The following CRPPA variants were observed in gnomAD, a reference collection of about 807,000 sequenced individuals.
The protein encoded by CRPPA is CDP-L-ribitol pyrophosphorylase A.
Under a neutral mutation model 52.0 loss-of-function variants are expected in CRPPA, and 43 were observed. The observed-to-expected ratio is 0.83, with a 90% confidence interval of 0.65 to 1.07. CRPPA has a LOEUF of 1.07. Ranked by LOEUF, CRPPA falls within the 50% of genes least tolerant of loss-of-function variation. The probability of loss-of-function intolerance (pLI) is 0.00; values close to 1 mark genes in which losing one functional copy is unlikely to be tolerated. For missense variants in CRPPA, 629 were observed against 551.7 expected (o/e 1.14, Z -1.40); for synonymous variants, 250 against 203.5 (o/e 1.23, Z -1.94).
chr7:16,245,493 C>T (rs1277440874), intron 8 of CRPPA, among the ~76,000 whole-genome samples: 1 of 152,178 alleles, frequency 6.6e-6, no homozygotes, highest in Non-Finnish European at 1.5e-5. Flanking sequence ...TTCAAACACC[C>T]AGACACTATT....
At chr7:16,206,182 G>T (rs986557574) in intron 9 of CRPPA, among the ~76,000 whole-genome samples, 1 of 152,102 alleles carries the variant, frequency 6.6e-6, no homozygotes, top group East Asian at 1.9e-4. Context: ...CATATCCCCA[G>T]TGGAGGGTCA....
At chr7:16,218,937 C>T (rs1298858586) in intron 8 of CRPPA, among the ~76,000 whole-genome samples, 5 of 152,058 alleles carry the variant, frequency 3.3e-5, no homozygotes, top group African/African-American at 7.3e-5. Context: ...CTGCACCAAG[C>T]AGACCTAATA....
intron 9 of CRPPA, among the ~76,000 whole-genome samples, chr7:16,092,206 G>C (rs562036118): frequency 1.3e-5 from 2 of 152,208 alleles, no homozygotes; most frequent in South Asian, 4.1e-4. Context: ...CCGGTATAGG[G>C]GGGAAAACCC....
chr7:16,232,832 C>T (rs994744767), intron 8 of CRPPA, among the ~76,000 whole-genome samples: 2 of 152,088 alleles, frequency 1.3e-5, no homozygotes, highest in African/African-American at 4.8e-5. Context: ...AAATACCAAA[C>T]CTTTTAAAAA....
chr7:16,125,370 A>C (rs1326881788), intron 9 of CRPPA, among the ~76,000 whole-genome samples: 1 of 152,084 alleles, frequency 6.6e-6, no homozygotes, highest in Non-Finnish European at 1.5e-5. Flanking sequence ...CCCCAGTCAT[A>C]AACAGTACCA....
chr7:16,226,484 A>G (rs993313419), intron 8 of CRPPA, among the ~76,000 whole-genome samples: 3 of 151,854 alleles, frequency 2.0e-5, no homozygotes, highest in African/African-American at 4.8e-5. Flanking sequence ...AGCAGACCCA[A>G]TTCAATGGTC....
chr7:16,356,947 T>C (rs1458988214), intron 3 of CRPPA, among the ~76,000 whole-genome samples: 1 of 152,176 alleles, frequency 6.6e-6, no homozygotes, highest in African/African-American at 2.4e-5. Context: ...AATGTGGTTC[T>C]CTGGGATATC....
intron 5 of CRPPA, among the ~76,000 whole-genome samples, chr7:16,283,454 T>C (rs922055030): frequency 2.0e-5 from 3 of 150,102 alleles, no homozygotes; most frequent in African/African-American, 7.3e-5. Context: ...TATGACACTA[T>C]AAAGATGATA....
Position 16,421,347 on chromosome 7 carries a change from C to T in CRPPA, c.-25G>A. 1.6e-6 allele frequency: 2 copies of T among 1,235,996 alleles called. No individual in the cohort carries two copies. The highest frequency in any genetic ancestry group is 2.0e-6 in the Non-Finnish European group (2 of 988,336). The allele number at this position is 1,235,996 out of a possible 1,614,324, so 76.6% of individuals were successfully genotyped here. On this transcript the variant is annotated 5_prime_UTR_variant, in exon 1 of 10. Coordinates refer to ENST00000407010, the MANE Select transcript of CRPPA (RefSeq NM_001101426.4). Reference sequence around the variant, plus strand: ...TGGCTGCGGGCGGAACGGCGAGCCCCGCTAGCCTCGGGCCGATGCGACCCC... The same window carrying T: ...TGGCTGCGGGCGGAACGGCGAGCCCTGCTAGCCTCGGGCCGATGCGACCCC...
At chr7:16,376,728 G>A (rs899859985) in intron 2 of CRPPA, among the ~76,000 whole-genome samples, 2 of 152,148 alleles carry the variant, frequency 1.3e-5, no homozygotes, top group African/African-American at 4.8e-5. Context: ...TTTGTGTCTT[G>A]CTCTAATTCA....
intron 3 of CRPPA, among the ~76,000 whole-genome samples, chr7:16,362,188 G>C (rs1469729762): frequency 1.3e-5 from 2 of 152,222 alleles, no homozygotes; most frequent in Non-Finnish European, 2.9e-5. Flanking sequence ...GCATGTCTCA[G>C]TCTACTCAGA....
At chr7:16,381,999 T>A (rs961161899) in intron 2 of CRPPA, among the ~76,000 whole-genome samples, 6 of 151,936 alleles carry the variant, frequency 3.9e-5, no homozygotes, top group African/African-American at 1.5e-4. Flanking sequence ...ACATTTAAAG[T>A]TAATATTGTT....
At chr7:16,199,622 T>G (rs1297255565) in intron 9 of CRPPA, among the ~76,000 whole-genome samples, 2 of 151,736 alleles carry the variant, frequency 1.3e-5, no homozygotes, top group Non-Finnish European at 2.9e-5. Context: ...CTATGTAGAA[T>G]CTGCATGTTT....
chr7:16,201,354 G>A (rs1389500843), intron 9 of CRPPA, among the ~76,000 whole-genome samples: 8 of 152,124 alleles, frequency 5.3e-5, no homozygotes. Context: ...AAACCAGAGT[G>A]AGAACCTCCA....
intron 2 of CRPPA, among the ~76,000 whole-genome samples, chr7:16,383,963 C>G (rs965055276): frequency 2.0e-5 from 3 of 152,230 alleles, no homozygotes; most frequent in Non-Finnish European, 2.9e-5. Context: ...GAGGCAATGC[C>G]TCGCCCTGCT....
intron 3 of CRPPA, among the ~76,000 whole-genome samples, chr7:16,318,437 G>C (rs1785192890): frequency 6.6e-6 from 1 of 152,062 alleles, no homozygotes; most frequent in Non-Finnish European, 1.5e-5. Context: ...TGTCCTCCCT[G>C]TAGGCAATCA....
At chr7:16,245,226 ATGTATG>A (rs1783237209) in intron 8 of CRPPA, among the ~76,000 whole-genome samples, 1 of 152,244 alleles carries the variant, frequency 6.6e-6, no homozygotes, top group African/African-American at 2.4e-5. Context: ...CACTCTATGT[ATGTATG>A]TGTATCAGTA....
intron 1 of CRPPA, among the ~76,000 whole-genome samples, chr7:16,416,161 G>T (rs1359916361): frequency 1.3e-5 from 2 of 152,046 alleles, no homozygotes; most frequent in Non-Finnish European, 2.9e-5. Context: ...ATACTATAAG[G>T]CTACAGTAAC....
intron 5 of CRPPA, among the ~76,000 whole-genome samples, chr7:16,282,090 T>C (rs1784333065): frequency 6.6e-6 from 1 of 152,156 alleles, no homozygotes. Flanking sequence ...TTCCACTATC[T>C]TTTGAGTTTT....
Sources: gnomAD v4.1 joint callset for allele counts (sites outside exome capture counted in the v4.1 genomes callset) on GRCh38, gnomAD v4.1.1 for gene constraint, MANE v1.5 for transcripts, NCBI Gene and HGNC (gene_info 2026-07-23, HGNC 2026-07-21) for gene names.